Variants in KLHL8 observed in about 807,000 individuals in gnomAD.
KLHL8 encodes kelch like family member 8.
Under a neutral mutation model 63.5 loss-of-function variants are expected in KLHL8, and 38 were observed. That is an observed-to-expected ratio of 0.60 (90% CI 0.46 to 0.78). The LOEUF is 0.78. Among genes scored for constraint, KLHL8 ranks in the 30% least tolerant of loss-of-function variants. KLHL8 has a pLI of 0.00. For missense variants in KLHL8, 566 were observed against 752.4 expected (o/e 0.75, Z 2.90); for synonymous variants, 224 against 254.3 (o/e 0.88, Z 1.13).
intron 2 of KLHL8, among the ~76,000 whole-genome samples, chr4:87,188,832 T>G (rs560340243): frequency 2.6e-5 from 4 of 152,226 alleles, no homozygotes; most frequent in Admixed American, 1.3e-4. Flanking sequence ...AGCTACATAA[T>G]ATTAGACATT....
chr4:87,177,432 A>AAGCGGAGGTTATAGTG (rs1291135175), intron 5 of KLHL8, among the ~76,000 whole-genome samples: 1 of 152,058 alleles, frequency 6.6e-6, no homozygotes, highest in Non-Finnish European at 1.5e-5. Flanking sequence ...TGAACCTGGG[A>AAGCGGAGGTTATAGTG]AGCGGAGGTT....
At position 87,160,333 on chromosome 4, in the gene KLHL8, T is replaced by C. The variant is rs1001344985; in HGVS notation, c.*3186A>G. ...AGAGACATAGCCAATGGCATCCCAG[T>C]AATAATTTCTTTACACATCTGATAC... On this transcript the variant is annotated 3_prime_UTR_variant, in exon 10 of 10. Transcript: ENST00000273963. 1.3e-5 allele frequency: 2 copies of C among 152,142 alleles called. No individual in the cohort carries two copies. The highest frequency in any genetic ancestry group is 4.8e-5 in the African/African-American group (2 of 41,452). The allele number at this position is 152,142 out of a possible 1,614,324, so 9.4% of individuals were successfully genotyped here.
In KLHL8 at chr4:87,163,907, TG is replaced by T. The variant is rs1359576998; in HGVS notation, c.1709del (p.Thr570LysfsTer2). 3 of 1,614,030 alleles carry T rather than the reference TG, an allele frequency of 1.9e-6. No homozygotes were observed. Among genetic ancestry groups the T allele is most frequent in the Non-Finnish European group, 2.5e-6 (3 of 1,180,002 alleles). On this transcript the variant is annotated frameshift_variant, in exon 9 of 10. Coordinates refer to ENST00000273963, the MANE Select transcript of KLHL8 (RefSeq NM_020803.5). LOFTEE classifies it high-confidence loss of function. Reference sequence around the variant, plus strand: ...TCAGCACTGGATCAAACGCTTCTACTGTATTTAAGTATGCATTGCCATTATG... The same window carrying T: ...TCAGCACTGGATCAAACGCTTCTACTTATTTAAGTATGCATTGCCATTATG... ...GGHNGNAYLN[T>X]VEAFDPVLNR...
rs1017749117 is a variant in KLHL8 at position 87,174,247 on chromosome 4, T to C, written c.1208+2510A>G. Among the ~76,000 whole-genome samples, 3 of 151,862 alleles carry C rather than the reference T, an allele frequency of 2.0e-5. No individual in the cohort carries two copies. In the East Asian group the frequency reaches 5.8e-4, roughly 29 times the overall value. ...TATCATTATATATCATATATATGTG[T>C]GTATGTGTGTGTGTATATATATATA... On this transcript the variant is annotated intron_variant, in intron 6 of 9. Transcript: ENST00000273963.
intron 1 of KLHL8, among the ~76,000 whole-genome samples, chr4:87,197,982 A>AAAGC (rs1553947155): frequency 6.6e-6 from 1 of 150,436 alleles, no homozygotes; most frequent in African/African-American, 2.4e-5. Context: ...ATAAATAAAT[A>AAAGC]AAGCCATGTT....
Position 87,183,307 on chromosome 4 carries a change from CT to C in KLHL8, c.847del (p.Arg283GlufsTer14), listed in dbSNP as rs747842167. The C allele has an allele frequency of 3.5e-5, 57 of 1,613,476 alleles. No individual in the cohort carries two copies. The highest frequency in any genetic ancestry group is 4.7e-5 in the Non-Finnish European group (55 of 1,179,652). Reference protein sequence around the residue: ...EQIVKQNLKCRDLLDEARNYH... With the variant: ...EQIVKQNLKCXDLLDEARNYH... ...ATTTCTTGCTTCATCCAGTAAATCT[CT>C]ACATTTTAGATTTTGCTTGACAATC... On this transcript the variant is annotated frameshift_variant, in exon 4 of 10. Transcript: ENST00000273963. LOFTEE classifies it high-confidence loss of function.
At chr4:87,180,441 A>C (rs1219194773) in intron 4 of KLHL8, among the ~76,000 whole-genome samples, 1 of 152,160 alleles carries the variant, frequency 6.6e-6, no homozygotes, top group Non-Finnish European at 1.5e-5. Flanking sequence ...ACCTTTTCTG[A>C]CTCTTCCAAG....
At chr4:87,175,104 T>C (rs1483846672) in intron 6 of KLHL8, among the ~76,000 whole-genome samples, 2 of 152,230 alleles carry the variant, frequency 1.3e-5, no homozygotes, top group Admixed American at 6.5e-5. Context: ...GTGCATTTTC[T>C]ATAGATCTTA....
intron 2 of KLHL8, among the ~76,000 whole-genome samples, chr4:87,189,864 C>T (rs1047638616): frequency 3.3e-5 from 5 of 150,760 alleles, no homozygotes; most frequent in African/African-American, 1.2e-4. Context: ...CCCGTCTATA[C>T]TGAAAATACA....
intron 1 of KLHL8, among the ~76,000 whole-genome samples, chr4:87,211,002 CACT>C (rs1234511856): frequency 7.2e-5 from 11 of 152,178 alleles, no homozygotes; most frequent in African/African-American, 2.4e-4. Context: ...AGTGCCTATT[CACT>C]ACTAGTCTTC....
chr4:87,226,579 C>CTA (rs1301088064), intron 1 of KLHL8, among the ~76,000 whole-genome samples: 3 of 86,842 alleles, frequency 3.5e-5, no homozygotes, highest in African/African-American at 1.5e-4. Context: ...CTCTCTCTCT[C>CTA]TCTCTATATA....
intron 1 of KLHL8, among the ~76,000 whole-genome samples, chr4:87,230,431 C>G (rs1338676833): frequency 6.6e-6 from 1 of 152,266 alleles, no homozygotes; most frequent in African/African-American, 2.4e-5. Flanking sequence ...TCTGGAGAGA[C>G]AAGTAGCACC....
intron 1 of KLHL8, among the ~76,000 whole-genome samples, chr4:87,210,407 G>A (rs924024090): frequency 6.6e-6 from 1 of 152,088 alleles, no homozygotes; most frequent in Admixed American, 6.5e-5. Flanking sequence ...TGTGAACCTG[G>A]CAGGCAGAGC....
At chr4:87,202,389 G>A (rs1287159106) in intron 1 of KLHL8, among the ~76,000 whole-genome samples, 2 of 152,036 alleles carry the variant, frequency 1.3e-5, no homozygotes, top group Admixed American at 6.6e-5. Flanking sequence ...CAAAGTGCTG[G>A]GATTACAGGT....
At chr4:87,201,601 T>C (rs1217059145) in intron 1 of KLHL8, among the ~76,000 whole-genome samples, 2 of 152,158 alleles carry the variant, frequency 1.3e-5, no homozygotes, top group African/African-American at 2.4e-5. Flanking sequence ...CAAGTGCACA[T>C]GGACCTATAT....
chr4:87,228,153 C>A (rs1453900376), intron 1 of KLHL8, among the ~76,000 whole-genome samples: 1 of 152,132 alleles, frequency 6.6e-6, no homozygotes, highest in African/African-American at 2.4e-5. Flanking sequence ...CGTGTGGGAC[C>A]CTCTCAGATC....
At chr4:87,204,592 A>C (rs1393743400) in intron 1 of KLHL8, among the ~76,000 whole-genome samples, 1 of 152,272 alleles carries the variant, frequency 6.6e-6, no homozygotes, top group African/African-American at 2.4e-5. Context: ...ATGGATAAAC[A>C]AACTGTGGGT....
At chr4:87,170,747 TAG>T (rs777533085) in intron 6 of KLHL8, 132 bp from the exon 7 acceptor site, 70 of 818,824 alleles carry the variant, frequency 8.5e-5, no homozygotes, top group African/African-American at 3.8e-4. Flanking sequence ...CCATTATTTT[TAG>T]ATCTATCAAA....
intron 1 of KLHL8, among the ~76,000 whole-genome samples, chr4:87,238,123 A>T (rs1337800009): frequency 6.6e-6 from 1 of 151,936 alleles, no homozygotes; most frequent in Non-Finnish European, 1.5e-5. Flanking sequence ...TTTAGTAGAG[A>T]CAGGGTTTCA....
Sources: gnomAD v4.1 joint callset for allele counts (sites outside exome capture counted in the v4.1 genomes callset) on GRCh38, gnomAD v4.1.1 for gene constraint, MANE v1.5 for transcripts, NCBI Gene and HGNC (gene_info 2026-07-23, HGNC 2026-07-21) for gene names.